Variants in MAGI2 observed in about 807,000 individuals in gnomAD.
MAGI2 encodes membrane associated guanylate kinase, WW and PDZ domain containing 2.
In MAGI2, 35 loss-of-function variants were observed where a neutral mutation model predicts 133.3. The observed-to-expected ratio is 0.26, with a 90% CI of 0.20 to 0.35. The LOEUF is 0.35. Ranked by LOEUF, MAGI2 falls within the 10% of genes least tolerant of loss-of-function variation. MAGI2 has a pLI of 1.00. For missense variants in MAGI2, 1,636 were observed against 1,863.4 expected, an observed-to-expected ratio of 0.88 and a Z score of 2.25; for synonymous variants, 729 against 710.6, an observed-to-expected ratio of 1.03 and a Z score of -0.41.
At chr7:79,048,325 T>G (rs2116965096) in intron 1 of MAGI2, among the ~76,000 whole-genome samples, 1 of 152,266 alleles carries the variant, frequency 6.6e-6, no homozygotes, top group Non-Finnish European at 1.5e-5. Context: ...CATAAAGAAA[T>G]AATGCTGAAA....
chr7:78,056,571 A>G (rs1812593186), intron 21 of MAGI2, among the ~76,000 whole-genome samples: 1 of 152,190 alleles, frequency 6.6e-6, no homozygotes. Flanking sequence ...ACAGGTACAG[A>G]AAACCAAACA....
At chr7:79,341,580 A>G (rs1840909045) in intron 1 of MAGI2, among the ~76,000 whole-genome samples, 1 of 152,162 alleles carries the variant, frequency 6.6e-6, no homozygotes. Context: ...GTCATTTGAG[A>G]TGCCTTTACC....
chr7:79,408,078 G>A (rs1053542028), intron 1 of MAGI2, among the ~76,000 whole-genome samples: 20 of 151,922 alleles, frequency 1.3e-4, no homozygotes, highest in East Asian at 7.7e-4. Flanking sequence ...ATTATGCCCC[G>A]TTTTAAATGC....
chr7:78,860,896 T>C (rs941224331), intron 2 of MAGI2, among the ~76,000 whole-genome samples: 3 of 152,158 alleles, frequency 2.0e-5, no homozygotes, highest in Non-Finnish European at 4.4e-5. Context: ...CTCCACCCTG[T>C]TGGAGCTTCC....
At chr7:78,216,064 AAG>A (rs1353948300) in intron 10 of MAGI2, among the ~76,000 whole-genome samples, 7 of 152,248 alleles carry the variant, frequency 4.6e-5, no homozygotes, top group Admixed American at 1.3e-4. Flanking sequence ...GAGAAAATGT[AAG>A]AGTGTCAATA....
intron 1 of MAGI2, chr7:79,410,814 G>C (rs1038061771): frequency 6.6e-6 from 1 of 151,958 alleles, no homozygotes; most frequent in Non-Finnish European, 1.5e-5. Flanking sequence ...TCAAGGTGTT[G>C]AAAGGAAAAA....
chr7:79,200,514 G>A (rs918790976), intron 1 of MAGI2, among the ~76,000 whole-genome samples: 1 of 151,468 alleles, frequency 6.6e-6, no homozygotes, highest in African/African-American at 2.4e-5. Context: ...GGGGGGCTGA[G>A]GTGGGAGGAT....
intron 6 of MAGI2, among the ~76,000 whole-genome samples, chr7:78,461,425 T>TGTGTGTGTGTGTGTGTGTG (rs1790005425): frequency 5.3e-5 from 8 of 150,230 alleles, no homozygotes; most frequent in African/African-American, 1.2e-4. Flanking sequence ...TGTGTGTGTG[T>TGTGTGTGTGTGTGTGTGTG]TGGGATATAT....
At chr7:78,536,140 T>C (rs1334914172) in intron 3 of MAGI2, among the ~76,000 whole-genome samples, 41 of 102,086 alleles carry the variant, frequency 4.0e-4, no homozygotes, top group Non-Finnish European at 4.8e-4. Flanking sequence ...TGAGACGGAG[T>C]CTCGCTCTGT....
chr7:78,208,293 G>A (rs1024626036), intron 10 of MAGI2, among the ~76,000 whole-genome samples: 1 of 152,024 alleles, frequency 6.6e-6, no homozygotes, highest in African/African-American at 2.4e-5. Flanking sequence ...GTTCCTTATG[G>A]AGAGAGCCAT....
Position 78,135,008 on chromosome 7 carries a change from C to G in MAGI2, c.3031+13G>C, listed in dbSNP as rs775576506. 6.2e-7 allele frequency: 1 copy of G among 1,612,422 alleles called. No homozygotes were observed. The highest frequency in any genetic ancestry group is 8.5e-7 in the Non-Finnish European group (1 of 1,179,110). ...GTTGGCCGCCTCTCTGCAAGGCTGC[C>G]TCAGGCACTCACCCTCCTGAGGAAT... On this transcript the variant is annotated intron_variant, in intron 17 of 21. Transcript: ENST00000354212.
chr7:78,789,150 C>A (rs578223550), intron 2 of MAGI2, among the ~76,000 whole-genome samples: 55 of 152,116 alleles, frequency 3.6e-4, no homozygotes, highest in Non-Finnish European at 6.3e-4. Flanking sequence ...TTGTAAGCTA[C>A]TGAAGGACAA....
rs71931638 is a variant in MAGI2 at position 78,765,343 on chromosome 7, C to CGTTT, written c.419-138105_419-138104insAAAC. On this transcript the variant is annotated intron_variant, in intron 2 of 21. Transcript: ENST00000354212. ...CATTTAACAAATGTTTAGTGCACAT[C>CGTTT]TTTTTTTTTTTTTTTTTTTTTTGAG... Among the ~76,000 whole-genome samples, 45 of 89,070 alleles carry CGTTT rather than the reference C, an allele frequency of 5.1e-4. 1 individual carries two copies. The highest frequency in any genetic ancestry group is 7.0e-4 in the Non-Finnish European group (36 of 51,222). 58.4% of individuals were successfully genotyped at this position (89,070 alleles called of 152,430 possible).
chr7:78,169,087 T>C (rs1474317395), intron 14 of MAGI2, among the ~76,000 whole-genome samples: 4 of 152,250 alleles, frequency 2.6e-5, no homozygotes, highest in Non-Finnish European at 4.4e-5. Context: ...GTTATTTTTA[T>C]AATTCCCTGA....
At chr7:78,484,864 A>G (rs2110626) in intron 6 of MAGI2, 80,570 of 151,634 alleles carry the variant, frequency 0.53, 23,146 homozygotes, top group East Asian at 0.82. Flanking sequence ...TGGGCTCCCA[A>G]AGATTAAGTA....
intron 2 of MAGI2, among the ~76,000 whole-genome samples, chr7:78,988,152 G>A (rs1031748246): frequency 1.3e-5 from 2 of 152,006 alleles, no homozygotes; most frequent in Non-Finnish European, 2.9e-5. Flanking sequence ...AGAAGGGGAC[G>A]AGAGATGAAG....
intron 10 of MAGI2, among the ~76,000 whole-genome samples, chr7:78,237,226 A>G (rs1790646016): frequency 6.6e-6 from 1 of 152,188 alleles, no homozygotes; most frequent in Non-Finnish European, 1.5e-5. Context: ...AAATAGATAT[A>G]TTCATCCAAA....
rs1003526923 is a variant in MAGI2 at position 78,766,055 on chromosome 7, A to T, written c.419-138816T>A. Reference sequence around the variant, plus strand: ...AAGAATCCTCCCACACTTGGCCAGCAGTTCCTTAGCTCGGCATTTGAGCTT... The same window carrying T: ...AAGAATCCTCCCACACTTGGCCAGCTGTTCCTTAGCTCGGCATTTGAGCTT... On this transcript the variant is annotated intron_variant, in intron 2 of 21. Transcript: ENST00000354212. Among the ~76,000 whole-genome samples the T allele has an allele frequency of 2.6e-5, 4 of 152,326 alleles. No homozygotes were observed. In the South Asian group the frequency reaches 8.3e-4, roughly 32 times the overall value.
At chr7:78,328,898 G>A (rs1361176846) in intron 9 of MAGI2, among the ~76,000 whole-genome samples, 1 of 152,158 alleles carries the variant, frequency 6.6e-6, no homozygotes, top group Non-Finnish European at 1.5e-5. Flanking sequence ...AACAAAGAGA[G>A]CAGGAAGATA....
Sources: gnomAD v4.1 joint callset for allele counts (sites outside exome capture counted in the v4.1 genomes callset) on GRCh38, gnomAD v4.1.1 for gene constraint, MANE v1.5 for transcripts, NCBI Gene and HGNC (gene_info 2026-07-23, HGNC 2026-07-21) for gene names.